The following PIEZO2 variants were observed in gnomAD, a reference collection of about 807,000 sequenced individuals.
The protein encoded by PIEZO2 is piezo-type mechanosensitive ion channel component 2.
Under a neutral mutation model 337.3 loss-of-function variants are expected in PIEZO2, and 172 were observed. That is an observed-to-expected ratio of 0.51 (90% confidence interval 0.45 to 0.58). The LOEUF is 0.58. Ranked by LOEUF, PIEZO2 falls within the 20% of genes least tolerant of loss-of-function variation. The probability of loss-of-function intolerance (pLI) is 0.00; values close to 1 mark genes in which losing one functional copy is unlikely to be tolerated. For missense variants in PIEZO2, 3,028 were observed against 3,391.3 expected, an observed-to-expected ratio of 0.89 and a Z score of 2.66; for synonymous variants, 1,251 against 1,228.5, an observed-to-expected ratio of 1.02 and a Z score of -0.38.
At chr18:10,814,543 C>A (rs2040303973) in intron 7 of PIEZO2, among the ~76,000 whole-genome samples, 1 of 152,216 alleles carries the variant, frequency 6.6e-6, no homozygotes, top group African/African-American at 2.4e-5. Flanking sequence ...GAATTTGAGT[C>A]CAAACTACAG....
At chr18:11,068,434 A>C (rs1317079041) in intron 1 of PIEZO2, among the ~76,000 whole-genome samples, 3 of 152,220 alleles carry the variant, frequency 2.0e-5, no homozygotes, top group Non-Finnish European at 4.4e-5. Context: ...ACAGTCAATG[A>C]GTCAAAGAAG....
At chr18:10,907,979 C>T (rs1222324771) in intron 4 of PIEZO2, among the ~76,000 whole-genome samples, 1 of 152,210 alleles carries the variant, frequency 6.6e-6, no homozygotes, top group East Asian at 1.9e-4. Flanking sequence ...TATATTACAA[C>T]ACACTTCTGT....
intron 2 of PIEZO2, among the ~76,000 whole-genome samples, chr18:10,995,128 C>T (rs1367183867): frequency 6.6e-6 from 1 of 150,834 alleles, no homozygotes; most frequent in African/African-American, 2.4e-5. Context: ...ATATCCATGC[C>T]AACATCTATT....
At chr18:11,090,613 AT>A in intron 1 of PIEZO2, among the ~76,000 whole-genome samples, 1 of 152,238 alleles carries the variant, frequency 6.6e-6, no homozygotes, top group African/African-American at 2.4e-5. Flanking sequence ...AAGGCAAAAA[AT>A]AAATGCACAA....
At chr18:10,747,629 G>A (rs778777073) in intron 30 of PIEZO2, among the ~76,000 whole-genome samples, 3 of 152,170 alleles carry the variant, frequency 2.0e-5, no homozygotes, top group Non-Finnish European at 4.4e-5. Context: ...GCAGGTCCCC[G>A]ACTAGGGCCT....
At position 10,895,928 on chromosome 18, in the gene PIEZO2, C is replaced by T. The variant is rs1226606736; in HGVS notation, c.329+15258G>A. ...ACAGAAAATTACCCGGGCGTGGTGG[C>T]GTGTGCCTGTAATCCCAGCTACTTG... On this transcript the variant is annotated intron_variant, in intron 4 of 55. Transcript: ENST00000674853. The surrounding 1 kb of genome is among the most constrained non-coding windows in gnomAD (Gnocchi z 4.8). Among the ~76,000 whole-genome samples the T allele has an allele frequency of 6.6e-5, 10 of 151,634 alleles. No homozygotes were observed. The East Asian group carries it at 1.2e-3, about 18-fold the overall frequency.
chr18:10,691,768 A>AACACACAC lies in PIEZO2; in HGVS notation c.7191-393_7191-386dup, dbSNP rs1339141004. 1.1e-4 allele frequency among the ~76,000 whole-genome samples: 8 copies of AACACACAC among 75,414 alleles called. 1 individual carries two copies. Among genetic ancestry groups the AACACACAC allele is most frequent in the African/African-American group, 2.3e-4 (4 of 17,242 alleles). 49.5% of individuals were successfully genotyped at this position (75,414 alleles called of 152,430 possible). A position where few individuals can be genotyped will look rare whatever the true frequency, so the allele number is the denominator to read the frequency against. On this transcript the variant is annotated intron_variant, in intron 47 of 55. Transcript: ENST00000674853. ...ATATGATATATTAAAAATATATATA[A>AACACACAC]ACACACACACACACATATATATATA... is the stretch of plus-strand genomic sequence containing the variant.
chr18:10,785,161 A>T (rs1338786426), intron 16 of PIEZO2, among the ~76,000 whole-genome samples: 2 of 152,198 alleles, frequency 1.3e-5, no homozygotes, highest in Non-Finnish European at 2.9e-5. Context: ...AAACCTTGAC[A>T]TTCCCAAATT....
intron 1 of PIEZO2, 129 bp from the exon 2 acceptor site, chr18:11,066,351 T>C (rs187572489): frequency 1.6e-6 from 1 of 642,256 alleles, no homozygotes; most frequent in Non-Finnish European, 2.7e-6. Context: ...TGAATAGATA[T>C]GTCAATTAAA....
intron 7 of PIEZO2, among the ~76,000 whole-genome samples, chr18:10,832,141 T>C (rs2040862139): frequency 6.6e-6 from 1 of 151,836 alleles, no homozygotes; most frequent in African/African-American, 2.4e-5. Flanking sequence ...CTACAAAAAA[T>C]ACAAAAATTA....
chr18:10,737,621 G>A (rs1598417710), intron 33 of PIEZO2: 1 of 152,302 alleles, frequency 6.6e-6, no homozygotes, highest in East Asian at 1.9e-4. Flanking sequence ...AGAACATAAT[G>A]CCTGTGTCAA....
intron 3 of PIEZO2, among the ~76,000 whole-genome samples, chr18:10,922,074 C>T (rs553962655): frequency 3.3e-5 from 5 of 152,222 alleles, no homozygotes; most frequent in East Asian, 1.9e-4. Flanking sequence ...GCCCTGCCTC[C>T]GTTTGCCTTG....
At chr18:10,762,821 G>C in intron 22 of PIEZO2, 101 bp downstream of exon 22, 1 of 1,396,804 alleles carries the variant, frequency 7.2e-7, no homozygotes, top group Non-Finnish European at 9.5e-7. Flanking sequence ...TGACTTACAA[G>C]CCAGGTCAGG....
intron 7 of PIEZO2, among the ~76,000 whole-genome samples, chr18:10,823,569 A>C (rs1217957913): frequency 6.6e-6 from 1 of 152,226 alleles, no homozygotes; most frequent in Non-Finnish European, 1.5e-5. Flanking sequence ...TCATTCACGC[A>C]TCCTCAAATA....
chr18:10,733,448 A>ATTTTTTT (rs34583213), intron 35 of PIEZO2, among the ~76,000 whole-genome samples: 1 of 128,310 alleles, frequency 7.8e-6, no homozygotes, highest in African/African-American at 3.1e-5. Flanking sequence ...AAACTTCCCA[A>ATTTTTTT]TTTTTTTTTT....
intron 41 of PIEZO2, 97 bp downstream of exon 41, chr18:10,705,239 T>A: frequency 7.2e-7 from 1 of 1,394,810 alleles, no homozygotes; most frequent in Non-Finnish European, 9.4e-7. Context: ...CAGATGAACT[T>A]TTTTCTATAT....
At chr18:10,963,792 A>T (rs563444881) in intron 3 of PIEZO2, among the ~76,000 whole-genome samples, 1 of 152,310 alleles carries the variant, frequency 6.6e-6, no homozygotes, top group South Asian at 2.1e-4. Flanking sequence ...CGTAGATGCT[A>T]ATTTAGGCTG....
chr18:10,924,123 C>A (rs1216045552), intron 3 of PIEZO2, among the ~76,000 whole-genome samples: 5 of 152,226 alleles, frequency 3.3e-5, no homozygotes, highest in African/African-American at 1.2e-4. Context: ...CCAATTCCTG[C>A]TCTCCACTCT....
At chr18:10,725,171 A>T in intron 36 of PIEZO2, 1 of 1,505,922 alleles carries the variant, frequency 6.6e-7, no homozygotes, top group East Asian at 2.3e-5. Flanking sequence ...GCCTCTGGAC[A>T]GTTCATCCAT....
Sources: gnomAD v4.1 joint callset for allele counts (sites outside exome capture counted in the v4.1 genomes callset) on GRCh38, gnomAD v4.1.1 for gene constraint, Gnocchi (gnomAD v3.1) non-coding constraint, MANE v1.5 for transcripts, NCBI Gene and HGNC (gene_info 2026-07-23, HGNC 2026-07-21) for gene names.